FRYL: variants seen among roughly 807,000 people sequenced by gnomAD.
FRYL encodes the protein FRY like transcription coactivator.
FRYL carries 150 observed loss-of-function variants against 351.2 expected under a neutral mutation model. The observed-to-expected ratio is 0.43, with a 90% CI of 0.37 to 0.49. The LOEUF is 0.49. Among genes scored for constraint, FRYL ranks in the 20% least tolerant of loss-of-function variants. The pLI, the probability that FRYL is intolerant of heterozygous loss-of-function variation, is 0.00. For missense variants in FRYL, 3,036 were observed against 3,619.3 expected (o/e 0.84, Z 4.13); for synonymous variants, 1,153 against 1,257.1 (o/e 0.92, Z 1.75).
At position 48,549,400 on chromosome 4, in the gene FRYL, A is replaced by G; in HGVS notation, c.4784+73T>C. ...GATTGCTTTCATTCTGTGTTGTCAG[A>G]TAGCACAAAGAAAGCCGACAGTGTT... On this transcript the variant is annotated intron_variant, in intron 39 of 63. Transcript: ENST00000358350. The surrounding 1 kb of genome is among the most constrained non-coding windows in gnomAD (Gnocchi z 4.2). 7.2e-7 allele frequency: 1 copy of G among 1,384,400 alleles called. No individual in the cohort carries two copies. The highest frequency in any genetic ancestry group is 1.4e-5 in the African/African-American group (1 of 70,004). 85.8% of individuals were successfully genotyped at this position (1,384,400 alleles called of 1,614,324 possible). A position where few individuals can be genotyped will look rare whatever the true frequency, so the allele number is the denominator to read the frequency against.
intron 4 of FRYL, among the ~76,000 whole-genome samples, chr4:48,632,100 A>ATATATATATATGTG (rs1553957587): frequency 6.8e-5 from 2 of 29,316 alleles, no homozygotes; most frequent in Non-Finnish European, 1.5e-4. Flanking sequence ...AAATATATAT[A>ATATATATATATGTG]TATATATATA....
intron 26 of FRYL, chr4:48,571,945 C>T: frequency 1.0e-6 from 1 of 985,254 alleles, no homozygotes; most frequent in African/African-American, 1.7e-5. Flanking sequence ...TTCAATCTCA[C>T]ATTTCTCTAA....
chr4:48,593,882 T>TA lies in FRYL; in HGVS notation c.1335+47dup, dbSNP rs372903862. The TA allele has an allele frequency of 5.7e-3, 4,731 of 830,534 alleles. 36 individuals are homozygous for TA. Among genetic ancestry groups the TA allele is most frequent in the African/African-American group, 0.036 (1,950 of 54,684 alleles). 51.4% of individuals were successfully genotyped at this position (830,534 alleles called of 1,614,324 possible). ...GTTCTGATTCCAGAAATCATGCTCT[T>TA]AAAAAAAAAATCTAGGATTTTATAT... is the stretch of plus-strand genomic sequence containing the variant. On this transcript the variant is annotated intron_variant, in intron 16 of 63. Transcript: ENST00000358350.
intron 1 of FRYL, among the ~76,000 whole-genome samples, chr4:48,768,144 T>C (rs1262921475): frequency 3.3e-5 from 5 of 152,234 alleles, no homozygotes; most frequent in Non-Finnish European, 1.5e-5. Context: ...CCCTGAGGGA[T>C]GCCTTGTGAT....
intron 47 of FRYL, among the ~76,000 whole-genome samples, chr4:48,536,854 T>C (rs1384071736): frequency 1.3e-5 from 2 of 152,218 alleles, no homozygotes; most frequent in Non-Finnish European, 2.9e-5. Context: ...ATTCGGAAGA[T>C]GTTTAATAGG....
chr4:48,544,532 G>T (rs1030332884), intron 43 of FRYL, among the ~76,000 whole-genome samples: 1 of 151,834 alleles, frequency 6.6e-6, no homozygotes, highest in East Asian at 1.9e-4. Flanking sequence ...TTCATAATAC[G>T]CAATTGTATT....
At chr4:48,739,715 C>T (rs920493084) in intron 1 of FRYL, among the ~76,000 whole-genome samples, 2 of 152,150 alleles carry the variant, frequency 1.3e-5, no homozygotes, top group Non-Finnish European at 2.9e-5. Flanking sequence ...GCTGGTATCA[C>T]GGTTTGAATG....
Position 48,548,738 on chromosome 4 carries a change from C to A in FRYL, c.4840G>T (p.Val1614Leu), listed in dbSNP as rs201361040. ...AGATGGAGGTAGCTTCCCCATTCCA[C>A]CTTCACACTATGATCAATGATGAGA... Reference protein sequence around the residue: ...TDLIIDHSVKVEWGSYLHLLL... With the variant: ...TDLIIDHSVKLEWGSYLHLLL... The change falls in exon 40 of 64, where the codon GTG (valine) becomes TTG (leucine). Residue 1614 changes from valine (V) to leucine (L), a missense_variant. Physicochemically the swap from Val to Leu is conservative, Grantham distance 32. Coordinates refer to ENST00000358350, the MANE Select transcript of FRYL (RefSeq NM_015030.2). 7.5e-5 allele frequency: 121 copies of A among 1,611,962 alleles called. No individual in the cohort carries two copies. The highest frequency in any genetic ancestry group is 1.4e-5 in the Non-Finnish European group (16 of 1,178,360).
rs112712339 is a variant in FRYL, at chr4:48,751,686, T to C, written c.-384+28392A>G. 4.5e-3 allele frequency among the ~76,000 whole-genome samples: 689 copies of C among 152,286 alleles called. 6 individuals are homozygous for C. The highest frequency in any genetic ancestry group is 0.015 in the African/African-American group (637 of 41,552). ...ATGAAAGGAAAAAAGGAATGGATTA[T>C]GTTCAAAAGACAGAATAATTAAGAA... On this transcript the variant is annotated intron_variant, in intron 1 of 63. Coordinates refer to ENST00000358350, the MANE Select transcript of FRYL (RefSeq NM_015030.2).
intron 1 of FRYL, among the ~76,000 whole-genome samples, chr4:48,753,297 T>C (rs1773434008): frequency 6.6e-6 from 1 of 152,190 alleles, no homozygotes; most frequent in African/African-American, 2.4e-5. Context: ...AAGTCATGTT[T>C]ACAAGCTTGT....
chr4:48,715,689 C>T (rs1768724468), intron 1 of FRYL, among the ~76,000 whole-genome samples: 1 of 152,026 alleles, frequency 6.6e-6, no homozygotes. Context: ...GTGAAAATGG[C>T]CATACTGCCC....
chr4:48,689,897 T>C (rs1765522372), intron 2 of FRYL, among the ~76,000 whole-genome samples: 1 of 141,366 alleles, frequency 7.1e-6, no homozygotes, highest in Admixed American at 6.9e-5. Flanking sequence ...CTTTTTTTCT[T>C]TTTTTTTTTT....
At chr4:48,563,814 G>A (rs539414399) in intron 31 of FRYL, 134 bp downstream of exon 31, 42 of 846,468 alleles carry the variant, frequency 5.0e-5, no homozygotes, top group Admixed American at 1.2e-4. Context: ...GGATCTGAGA[G>A]GGGTCCTGGA....
chr4:48,554,134 T>C (rs942647250), intron 35 of FRYL, among the ~76,000 whole-genome samples: 2 of 152,200 alleles, frequency 1.3e-5, no homozygotes, highest in African/African-American at 4.8e-5. Flanking sequence ...CCTATCTCTT[T>C]TTCTCCCTAT....
At chr4:48,621,782 G>GA (rs1212176023) in intron 5 of FRYL, among the ~76,000 whole-genome samples, 2 of 151,958 alleles carry the variant, frequency 1.3e-5, no homozygotes, top group Admixed American at 6.6e-5. Context: ...ACTTCATCCA[G>GA]AAAAAAGAAT....
intron 3 of FRYL, among the ~76,000 whole-genome samples, chr4:48,635,317 TA>T: frequency 6.6e-6 from 1 of 152,266 alleles, no homozygotes; most frequent in South Asian, 2.1e-4. Flanking sequence ...AGGGAAAATG[TA>T]GACCCAGGGA....
chr4:48,529,331 T>C (rs1190264643), intron 50 of FRYL, among the ~76,000 whole-genome samples: 7 of 152,204 alleles, frequency 4.6e-5, no homozygotes, highest in Non-Finnish European at 7.3e-5. Flanking sequence ...ATTGCCTCTA[T>C]ACCTTTGGTG....
At chr4:48,506,964 A>G (rs1178990323) in intron 59 of FRYL, among the ~76,000 whole-genome samples, 3 of 151,886 alleles carry the variant, frequency 2.0e-5, no homozygotes, top group Non-Finnish European at 4.4e-5. Flanking sequence ...GTCAAAAGCT[A>G]TCAGTGGATT....
At chr4:48,605,955 C>G in intron 10 of FRYL, 122 bp from the exon 11 acceptor site, 1 of 638,046 alleles carries the variant, frequency 1.6e-6, no homozygotes, top group East Asian at 2.9e-5. Flanking sequence ...AATGCATCTT[C>G]AAGTCAAAAA....
Sources: gnomAD v4.1 joint callset for allele counts (sites outside exome capture counted in the v4.1 genomes callset) on GRCh38, gnomAD v4.1.1 for gene constraint, Gnocchi (gnomAD v3.1) non-coding constraint, MANE v1.5 for transcripts, NCBI Gene and HGNC (gene_info 2026-07-23, HGNC 2026-07-21) for gene names.